PCDH15: variants seen among roughly 807,000 people sequenced by gnomAD.
PCDH15 encodes the protein protocadherin related 15, also known as protocadherin-15.
In PCDH15, 129 loss-of-function variants were observed where a neutral mutation model predicts 178.5. The observed-to-expected ratio is 0.72, with a 90% CI of 0.63 to 0.84. The LOEUF (loss-of-function observed/expected upper bound fraction) is 0.84, where lower values mean the gene tolerates loss of function less well. Among genes scored for constraint, PCDH15 ranks in the 40% least tolerant of loss-of-function variants. The pLI is 0.00. For missense variants in PCDH15, 2,230 were observed against 2,099.9 expected (o/e 1.06, Z -1.21); for synonymous variants, 800 against 732.0 (o/e 1.09, Z -1.50).
At chr10:54,264,204 T>C (rs1451154262) in intron 8 of PCDH15, among the ~76,000 whole-genome samples, 1 of 152,048 alleles carries the variant, frequency 6.6e-6, no homozygotes, top group Non-Finnish European at 1.5e-5. Context: ...CTTAATAAAC[T>C]CCCCTTCAAA....
intron 2 of PCDH15, among the ~76,000 whole-genome samples, chr10:55,394,777 A>T (rs147512630): frequency 1.3e-5 from 2 of 152,106 alleles, no homozygotes; most frequent in East Asian, 3.9e-4. Context: ...TTGTCTTTGG[A>T]TTGTGTTTGG....
intron 3 of PCDH15, among the ~76,000 whole-genome samples, chr10:54,494,636 T>G (rs2079937395): frequency 6.6e-6 from 1 of 152,126 alleles, no homozygotes; most frequent in Admixed American, 6.6e-5. Context: ...CCTTACCTAC[T>G]TCTCCCTAGA....
At chr10:54,612,399 A>T (rs2092991724) in intron 2 of PCDH15, among the ~76,000 whole-genome samples, 1 of 151,812 alleles carries the variant, frequency 6.6e-6, no homozygotes, top group South Asian at 2.1e-4. Flanking sequence ...AGGATCACCA[A>T]CATAAAATCT....
chr10:54,811,133 G>A (rs1952856496), intron 3 of PCDH15, among the ~76,000 whole-genome samples: 1 of 149,072 alleles, frequency 6.7e-6, no homozygotes, highest in Non-Finnish European at 1.5e-5. Context: ...TCAATATTAT[G>A]TGTATATATA....
chr10:54,165,710 ACTT>A (rs1181088247), intron 13 of PCDH15, among the ~76,000 whole-genome samples: 1 of 152,174 alleles, frequency 6.6e-6, no homozygotes, highest in African/African-American at 2.4e-5. Flanking sequence ...AGTCTTTCAT[ACTT>A]CTTCAAGAAA....
intron 3 of PCDH15, among the ~76,000 whole-genome samples, chr10:54,415,688 A>G (rs553446958): frequency 1.4e-4 from 21 of 152,248 alleles, no homozygotes; most frequent in East Asian, 1.2e-3. Flanking sequence ...CACATATTAT[A>G]TTGGCCACTA....
intron 18 of PCDH15, among the ~76,000 whole-genome samples, chr10:54,028,493 G>C (rs10825193): frequency 0.42 from 63,236 of 151,564 alleles, 14,367 homozygotes; most frequent in Middle Eastern, 0.63. Flanking sequence ...GCACACATAT[G>C]TTTATTGTGG....
chr10:54,001,848 A>G (rs1404137134), intron 20 of PCDH15, among the ~76,000 whole-genome samples: 2 of 152,060 alleles, frequency 1.3e-5, no homozygotes, highest in Non-Finnish European at 2.9e-5. Context: ...ACCTATAAAG[A>G]CACACATAGA....
chr10:54,598,475 A>C (rs1363114739), intron 2 of PCDH15, among the ~76,000 whole-genome samples: 1 of 152,188 alleles, frequency 6.6e-6, no homozygotes, highest in Non-Finnish European at 1.5e-5. Flanking sequence ...AATATACCTC[A>C]AAATAATAAG....
intron 2 of PCDH15, among the ~76,000 whole-genome samples, chr10:54,609,761 A>T (rs2092900449): frequency 6.6e-6 from 1 of 152,074 alleles, no homozygotes; most frequent in South Asian, 2.1e-4. Context: ...TCCCAAATTA[A>T]TTTAATAACA....
intron 2 of PCDH15, among the ~76,000 whole-genome samples, chr10:55,408,148 A>T (rs1017365476): frequency 1.3e-5 from 2 of 151,902 alleles, no homozygotes; most frequent in African/African-American, 4.8e-5. Flanking sequence ...GAAAACCACT[A>T]ACTCATGTTA....
intron 21 of PCDH15, among the ~76,000 whole-genome samples, chr10:53,968,536 A>C (rs1020117611): frequency 6.6e-6 from 1 of 152,128 alleles, no homozygotes; most frequent in Non-Finnish European, 1.5e-5. Flanking sequence ...GAGATCTAAG[A>C]ACGGACAGAC....
intron 2 of PCDH15, among the ~76,000 whole-genome samples, chr10:55,607,406 C>G (rs1219282075): frequency 7.4e-6 from 1 of 134,660 alleles, no homozygotes; most frequent in Non-Finnish European, 1.6e-5. Context: ...GGGTATATAC[C>G]CAAAGGACTA....
intron 15 of PCDH15, among the ~76,000 whole-genome samples, chr10:54,103,415 A>G (rs1482366498): frequency 6.6e-6 from 1 of 152,128 alleles, no homozygotes; most frequent in Non-Finnish European, 1.5e-5. Flanking sequence ...TTGGGATCCA[A>G]TTACTCCTAT....
Position 54,265,131 on chromosome 10 carries a change from T to C in PCDH15, c.877-28200A>G, listed in dbSNP as rs560063190. 3.9e-5 allele frequency among the ~76,000 whole-genome samples: 6 copies of C among 152,120 alleles called. No individual in the cohort carries two copies. The South Asian group carries it at 1.2e-3, about 32-fold the overall frequency. ...TTTAGTACTCTAAAAGAAAAGACAT[T>C]CCAGAAAAAAACATTCATATTCTTC... On this transcript the variant is annotated intron_variant, in intron 8 of 37. Transcript: ENST00000644397.
chr10:54,132,705 C>A (rs2042538881), intron 15 of PCDH15, among the ~76,000 whole-genome samples, 170 bp downstream of exon 15: 1 of 152,138 alleles, frequency 6.6e-6, no homozygotes, highest in African/African-American at 2.4e-5. Context: ...TGTGGAAACC[C>A]TCCATCCATA....
At chr10:54,954,890 A>G (rs995442088) in intron 2 of PCDH15, among the ~76,000 whole-genome samples, 8 of 151,290 alleles carry the variant, frequency 5.3e-5, no homozygotes, top group African/African-American at 1.9e-4. Context: ...GTTTAGAGGA[A>G]TATACATTTA....
chr10:55,318,539 G>A (rs767530754), intron 1 of PCDH15, among the ~76,000 whole-genome samples: 1 of 152,102 alleles, frequency 6.6e-6, no homozygotes, highest in African/African-American at 2.4e-5. Context: ...AGGAAAAAAC[G>A]TGGTCTGGGA....
At chr10:54,845,484 C>T (rs979202042) in intron 3 of PCDH15, among the ~76,000 whole-genome samples, 7 of 151,982 alleles carry the variant, frequency 4.6e-5, no homozygotes, top group African/African-American at 1.7e-4. Context: ...CGTAATTTGA[C>T]CAAAAATGCC....
Sources: gnomAD v4.1 joint callset for allele counts (sites outside exome capture counted in the v4.1 genomes callset) on GRCh38, gnomAD v4.1.1 for gene constraint, MANE v1.5 for transcripts, NCBI Gene and HGNC (gene_info 2026-07-23, HGNC 2026-07-21) for gene names.